LPP: variants seen among roughly 807,000 people sequenced by gnomAD.
LPP encodes the protein LIM domain containing preferred translocation partner in lipoma, also known as lipoma-preferred partner.
A neutral mutation model predicts 60.4 loss-of-function variants in LPP; 38 were observed. The ratio of observed to expected loss-of-function variants is 0.63; its 90% confidence interval spans 0.49 to 0.83. The LOEUF is 0.83. Among genes scored for constraint, LPP ranks in the 40% least tolerant of loss-of-function variants. The pLI is 0.00. For missense variants in LPP, 902 were observed against 783.6 expected, an observed-to-expected ratio of 1.15 and a Z score of -1.80; for synonymous variants, 328 against 290.8, an observed-to-expected ratio of 1.13 and a Z score of -1.30.
chr3:188,517,907 C>T (rs1242553818), intron 5 of LPP, among the ~76,000 whole-genome samples: 1 of 152,118 alleles, frequency 6.6e-6, no homozygotes, highest in African/African-American at 2.4e-5. Flanking sequence ...ACTGGTCATA[C>T]AGAGTGAATT....
At chr3:188,614,067 A>G (rs1353042495) in intron 7 of LPP, among the ~76,000 whole-genome samples, 3 of 151,818 alleles carry the variant, frequency 2.0e-5, no homozygotes, top group Non-Finnish European at 2.9e-5. Flanking sequence ...AGCTGGGATT[A>G]CAGGCTCCCG....
At chr3:188,434,958 C>T (rs1218089135) in intron 4 of LPP, among the ~76,000 whole-genome samples, 1 of 152,130 alleles carries the variant, frequency 6.6e-6, no homozygotes, top group Admixed American at 6.5e-5. Flanking sequence ...AACAAGTATA[C>T]ATGAAAGACT....
intron 6 of LPP, among the ~76,000 whole-genome samples, chr3:188,541,191 A>G (rs915892387): frequency 2.6e-5 from 4 of 152,202 alleles, no homozygotes; most frequent in Non-Finnish European, 1.5e-5. Flanking sequence ...ATGTAAAGCA[A>G]TAGTTAAGTT....
chr3:188,262,582 A>G (rs1376429867), intron 2 of LPP, among the ~76,000 whole-genome samples: 1 of 151,680 alleles, frequency 6.6e-6, no homozygotes, highest in African/African-American at 2.4e-5. Context: ...AACTTATCTC[A>G]CCCCAAATGC....
chr3:188,635,896 A>C (rs1848641273), intron 7 of LPP, among the ~76,000 whole-genome samples: 2 of 152,196 alleles, frequency 1.3e-5, no homozygotes, highest in South Asian at 4.1e-4. Context: ...TGGAAAAAGG[A>C]CTATGTGGAG....
chr3:188,156,005 A>G (rs1365525164), intron 1 of LPP, among the ~76,000 whole-genome samples: 1 of 152,096 alleles, frequency 6.6e-6, no homozygotes, highest in East Asian at 1.9e-4. Context: ...ACAGAGGGAG[A>G]CTGCCTCTCA....
intron 8 of LPP, among the ~76,000 whole-genome samples, chr3:188,715,967 G>A (rs926776512): frequency 6.6e-6 from 1 of 152,144 alleles, no homozygotes; most frequent in African/African-American, 2.4e-5. Context: ...TAATTATCTT[G>A]ACATTGTTTA....
At chr3:188,567,656 T>TG (rs1441972243) in intron 6 of LPP, among the ~76,000 whole-genome samples, 2 of 151,990 alleles carry the variant, frequency 1.3e-5, no homozygotes, top group African/African-American at 4.8e-5. Context: ...CCAATTTCAC[T>TG]GGCTTCTGTC....
chr3:188,158,026 G>A (rs1187962982), intron 1 of LPP, among the ~76,000 whole-genome samples: 1 of 152,134 alleles, frequency 6.6e-6, no homozygotes, highest in African/African-American at 2.4e-5. Context: ...AATTAATCTC[G>A]ATAGGGGCCG....
At chr3:188,808,166 A>G (rs2151269453) in intron 9 of LPP, among the ~76,000 whole-genome samples, 1 of 152,144 alleles carries the variant, frequency 6.6e-6, no homozygotes, top group Non-Finnish European at 1.5e-5. Context: ...TGGTTTTCCA[A>G]AAGGACTTTC....
At chr3:188,351,038 A>C (rs1320094871) in intron 3 of LPP, among the ~76,000 whole-genome samples, 1 of 152,134 alleles carries the variant, frequency 6.6e-6, no homozygotes, top group Non-Finnish European at 1.5e-5. Flanking sequence ...TTTTATAATT[A>C]AACTTTATTT....
intron 2 of LPP, among the ~76,000 whole-genome samples, chr3:188,298,195 C>T (rs1002984431): frequency 7.9e-5 from 12 of 152,158 alleles, no homozygotes; most frequent in Non-Finnish European, 1.3e-4. Flanking sequence ...GCTCCTGATA[C>T]GATCCTAATA....
At chr3:188,860,734 A>C (rs192029283) in intron 9 of LPP, among the ~76,000 whole-genome samples, 5 of 152,364 alleles carry the variant, frequency 3.3e-5, no homozygotes, top group Admixed American at 2.0e-4. Context: ...TTATGCAAGC[A>C]TACTGTTGTA....
At chr3:188,547,415 C>G (rs1233985075) in intron 6 of LPP, among the ~76,000 whole-genome samples, 1 of 152,126 alleles carries the variant, frequency 6.6e-6, no homozygotes, top group Non-Finnish European at 1.5e-5. Flanking sequence ...GTCCCATAAC[C>G]CCTCAGGATA....
At chr3:188,327,452 G>T (rs1484029852) in intron 2 of LPP, among the ~76,000 whole-genome samples, 1 of 152,192 alleles carries the variant, frequency 6.6e-6, no homozygotes, top group African/African-American at 2.4e-5. Context: ...GAAATCTTAT[G>T]AGGTAGTTCC....
At chr3:188,183,026 C>A (rs1024327700) in intron 1 of LPP, among the ~76,000 whole-genome samples, 1 of 151,984 alleles carries the variant, frequency 6.6e-6, no homozygotes, top group Non-Finnish European at 1.5e-5. Context: ...CAATGAGCAT[C>A]CCAAGGTCAC....
chr3:188,426,164 T>C (rs1466926589), intron 4 of LPP, among the ~76,000 whole-genome samples: 1 of 152,332 alleles, frequency 6.6e-6, no homozygotes, highest in Admixed American at 6.5e-5. Flanking sequence ...TTTATTCTGA[T>C]TGGTTTCAAA....
At chr3:188,333,247 CTGAG>C (rs1220669910) in intron 2 of LPP, among the ~76,000 whole-genome samples, 3 of 152,108 alleles carry the variant, frequency 2.0e-5, no homozygotes, top group Non-Finnish European at 1.5e-5. Context: ...ACAATTGGCA[CTGAG>C]TAATTATATT....
chr3:188,192,105 T>C (rs1296096957), intron 1 of LPP, among the ~76,000 whole-genome samples: 2 of 152,240 alleles, frequency 1.3e-5, no homozygotes, highest in Non-Finnish European at 2.9e-5. Flanking sequence ...TGTGTACTGA[T>C]GAATGTCAGT....
Sources: gnomAD v4.1 joint callset for allele counts (sites outside exome capture counted in the v4.1 genomes callset) on GRCh38, gnomAD v4.1.1 for gene constraint, MANE v1.5 for transcripts, NCBI Gene and HGNC (gene_info 2026-07-23, HGNC 2026-07-21) for gene names.